The following R3HDM1 variants were observed in gnomAD, a reference collection of about 807,000 sequenced individuals.
R3HDM1 encodes the protein R3H domain containing 1.
R3HDM1 carries 46 observed loss-of-function variants against 141.1 expected under a neutral mutation model. The ratio of observed to expected loss-of-function variants is 0.33; its 90% confidence interval spans 0.26 to 0.42. The LOEUF (loss-of-function observed/expected upper bound fraction) is 0.42. Among genes scored for constraint, R3HDM1 ranks in the 10% least tolerant of loss-of-function variants. The pLI, the probability that R3HDM1 is intolerant of heterozygous loss-of-function variation, is 1.00. For synonymous variants in R3HDM1, 435 were observed against 472.9 expected (o/e 0.92, Z 1.04); for missense variants, 1,184 against 1,368.3 (o/e 0.87, Z 2.12).
chr2:135,651,917 C>T lies in R3HDM1; in HGVS notation c.1913C>T (p.Pro638Leu), dbSNP rs768884625. ...PPPPPPPPPP[P>L]PPLPPGQPVP... is the part of the protein sequence containing the mutation. ...CCACCGCCACCACCACCACCTCCTC[C>T]TCCTCCCCTACCACCTGGGCAGCCA... Residue 638 changes from proline to leucine, a missense_variant, in exon 18 of 27, where the codon CCT becomes CTT. Around this residue, in one of 5 missense-constraint regions of R3HDM1, gnomAD observed 563 missense variants for 562.0 expected, o/e 1.00. Transcript: ENST00000683871. 6.2e-7 allele frequency: 1 copy of T among 1,614,022 alleles called. No individual in the cohort carries two copies. Among genetic ancestry groups the T allele is most frequent in the Non-Finnish European group, 8.5e-7 (1 of 1,179,952 alleles).
chr2:135,651,292 T>C (rs563551663), intron 17 of R3HDM1: 3 of 985,078 alleles, frequency 3.0e-6, no homozygotes, highest in African/African-American at 1.7e-5. Flanking sequence ...GCATTTTGCC[T>C]TCTAGGAAGA....
intron 1 of R3HDM1, chr2:135,543,009 A>T: frequency 1.3e-6 from 1 of 786,750 alleles, no homozygotes; most frequent in East Asian, 1.3e-4. Context: ...AAGTGCTGGG[A>T]TTACAGGTGT....
intron 1 of R3HDM1, among the ~76,000 whole-genome samples, chr2:135,577,825 T>G (rs1401357572): frequency 9.1e-6 from 1 of 109,488 alleles, no homozygotes; most frequent in Admixed American, 1.2e-4. Context: ...GCAACAAGAA[T>G]GAAACTTCAT....
At chr2:135,562,453 CTTA>C (rs1485178972) in intron 1 of R3HDM1, among the ~76,000 whole-genome samples, 4 of 152,050 alleles carry the variant, frequency 2.6e-5, no homozygotes, top group African/African-American at 4.8e-5. Context: ...TATTTGGTCG[CTTA>C]TTATTTTTTT....
intron 1 of R3HDM1, among the ~76,000 whole-genome samples, chr2:135,581,608 G>A (rs904901436): frequency 1.2e-4 from 18 of 152,332 alleles, no homozygotes; most frequent in African/African-American, 3.4e-4. Context: ...CTTTTGGTGA[G>A]TGGTGAACAA....
chr2:135,641,647 A>G lies in R3HDM1; in HGVS notation c.1331A>G (p.Tyr444Cys), dbSNP rs748980855. The G allele has an allele frequency of 7.4e-6, 12 of 1,614,144 alleles. No individual in the cohort carries two copies. The highest frequency in any genetic ancestry group is 3.3e-5 in the South Asian group (3 of 91,074). ...TCTTCTCATGGCGCACCTGTCGTCT[A>G]TCCAACTGTCAGCACTCATAGTTCT... ...SQSSHGAPVV[Y>C]PTVSTHSSLS... is the part of the protein sequence containing the mutation. Residue 444 changes from tyrosine (Y) to cysteine (C), a missense_variant, in exon 15 of 27, where the codon TAT becomes TGT. Tyr to Cys is a radical substitution (Grantham distance 194). This residue lies in a region of R3HDM1 where 240 missense variants were observed against 312.3 expected (regional missense o/e 0.77). Coordinates refer to ENST00000683871, the MANE Select transcript of R3HDM1 (RefSeq NM_001378107.1).
Position 135,641,643 on chromosome 2 carries a change from G to A in R3HDM1, c.1327G>A (p.Val443Ile), listed in dbSNP as rs777518939. Residue 443 changes from valine to isoleucine, a missense_variant, in exon 15 of 27, where the codon GTC becomes ATC. Physicochemically the swap from Val to Ile is conservative, Grantham distance 29. This residue lies in a region of R3HDM1 where 240 missense variants were observed against 312.3 expected (regional missense o/e 0.77). Transcript: ENST00000683871. ...CCAGTCTTCTCATGGCGCACCTGTC[G>A]TCTATCCAACTGTCAGCACTCATAG... ...LSQSSHGAPV[V>I]YPTVSTHSSL... The A allele has an allele frequency of 2.6e-5, 42 of 1,613,970 alleles. No homozygotes were observed. The highest frequency in any genetic ancestry group is 1.1e-4 in the East Asian group (5 of 44,888).
intron 18 of R3HDM1, 148 bp downstream of exon 18, chr2:135,652,180 A>G: frequency 7.8e-7 from 1 of 1,280,574 alleles, no homozygotes; most frequent in Non-Finnish European, 1.0e-6. Context: ...GCCTCTGGAG[A>G]TTTTCACGCA....
intron 1 of R3HDM1, chr2:135,558,965 A>G: frequency 4.2e-6 from 4 of 957,842 alleles, no homozygotes; most frequent in Non-Finnish European, 5.0e-6. Context: ...AAGGGTTACT[A>G]CTTTTTAGCC....
At chr2:135,574,190 A>G (rs1170623432) in intron 1 of R3HDM1, among the ~76,000 whole-genome samples, 2 of 152,202 alleles carry the variant, frequency 1.3e-5, no homozygotes, top group Non-Finnish European at 2.9e-5. Context: ...ACCACTAAAA[A>G]TAATTTTTAA....
In R3HDM1 at chr2:135,636,139, GAAGAA is replaced by G. The variant is rs2063223017; in HGVS notation, c.860_864del (p.Glu287GlyfsTer24). On this transcript the variant is annotated frameshift_variant, in exon 11 of 27. Transcript: ENST00000683871. LOFTEE classifies it high-confidence loss of function. ...AAGAAGCAAATCTATAGAAGAAAGA[GAAGAA>G]GAGTACCAGAGAGCCAGAGACCGAA... is the stretch of plus-strand genomic sequence containing the variant. The G allele has an allele frequency of 6.2e-7, 1 of 1,613,106 alleles. No homozygotes were observed. The highest frequency in any genetic ancestry group is 8.5e-7 in the Non-Finnish European group (1 of 1,179,562).
intron 21 of R3HDM1, 61 bp from the exon 22 acceptor site, chr2:135,709,372 C>A: frequency 6.2e-7 from 1 of 1,602,372 alleles, no homozygotes; most frequent in Middle Eastern, 1.7e-4. Context: ...GCGCCCAGCC[C>A]ATTCAAGAAT....
chr2:135,588,904 ATTTTC>A (rs1311146919), intron 1 of R3HDM1, among the ~76,000 whole-genome samples: 3 of 152,106 alleles, frequency 2.0e-5, no homozygotes, highest in Non-Finnish European at 4.4e-5. Flanking sequence ...ATATGCTAGT[ATTTTC>A]TTCTTTTGTT....
intron 6 of R3HDM1, 171 bp downstream of exon 6, chr2:135,621,779 A>G (rs1388357041): frequency 9.3e-6 from 9 of 972,538 alleles, no homozygotes; most frequent in Non-Finnish European, 1.1e-5. Flanking sequence ...ACACAGTTCC[A>G]TATATCAGTA....
chr2:135,667,557 A>T lies in R3HDM1; in HGVS notation c.2152+6164A>T, dbSNP rs147011387. On this transcript the variant is annotated intron_variant, in intron 19 of 26. Coordinates refer to ENST00000683871, the MANE Select transcript of R3HDM1 (RefSeq NM_001378107.1). ...CCTCTACTTTCCAGATTAAATTCAG[A>T]TGTATCACAGGAAGAATTTTTTTTA... The T allele has an allele frequency of 3.2e-3, 2,442 of 767,618 alleles. 5 individuals are homozygous for T. The highest frequency in any genetic ancestry group is 0.014 in the Middle Eastern group (21 of 1,512). 47.6% of individuals were successfully genotyped at this position (767,618 alleles called of 1,614,324 possible).
At chr2:135,666,279 A>T (rs2067480014) in intron 19 of R3HDM1, among the ~76,000 whole-genome samples, 2 of 152,202 alleles carry the variant, frequency 1.3e-5, no homozygotes, top group African/African-American at 2.4e-5. Flanking sequence ...GGGCTTATTG[A>T]TAGGAGAGTC....
intron 21 of R3HDM1, among the ~76,000 whole-genome samples, chr2:135,681,855 G>A (rs989322927): frequency 2.6e-5 from 4 of 151,844 alleles, no homozygotes; most frequent in Admixed American, 6.6e-5. Context: ...GAAAACAGTG[G>A]GAGTTTAGTT....
chr2:135,610,519 T>C (rs1036544912), intron 3 of R3HDM1, among the ~76,000 whole-genome samples: 2 of 152,342 alleles, frequency 1.3e-5, no homozygotes, highest in South Asian at 2.1e-4. Flanking sequence ...GAGACTCTTA[T>C]GTCTTGTATC....
At chr2:135,599,464 CTAAG>C (rs566625763) in intron 1 of R3HDM1, among the ~76,000 whole-genome samples, 1 of 152,062 alleles carries the variant, frequency 6.6e-6, no homozygotes, top group African/African-American at 2.4e-5. Context: ...TTGTAAGTTC[CTAAG>C]TATCTTTCAC....
Sources: gnomAD v4.1 joint callset for allele counts (sites outside exome capture counted in the v4.1 genomes callset) on GRCh38, gnomAD v4.1.1 for gene constraint, gnomAD v4.1.1 regional missense constraint, MANE v1.5 for transcripts, NCBI Gene and HGNC (gene_info 2026-07-23, HGNC 2026-07-21) for gene names.